The following IKBKB variants were observed in gnomAD, a reference collection of about 807,000 sequenced individuals.
IKBKB encodes inhibitor of nuclear factor kappa-B kinase subunit beta.
IKBKB carries 42 observed loss-of-function variants against 113.6 expected under a neutral mutation model. The ratio of observed to expected loss-of-function variants is 0.37; its 90% CI spans 0.29 to 0.48. The LOEUF is 0.48. Among genes scored for constraint, IKBKB ranks in the 20% least tolerant of loss-of-function variants. The probability of loss-of-function intolerance (pLI) is 0.99; values close to 1 mark genes in which losing one functional copy is unlikely to be tolerated. For missense variants in IKBKB, 673 were observed against 939.7 expected (o/e 0.72, Z 3.71); for synonymous variants, 296 against 361.3 (o/e 0.82, Z 2.05).
At chr8:42,321,816 A>C in intron 16 of IKBKB, 80 bp from the exon 17 acceptor site, 1 of 1,018,542 alleles carries the variant, frequency 9.8e-7, no homozygotes, top group South Asian at 1.6e-5. Context: ...AACATGGTGA[A>C]ACTCTACCTC....
Position 42,331,036 on chromosome 8 carries a change from G to T in IKBKB, c.*57G>T. ...AGCCCATAGCAGGCCTTGTGCAGTGGGGGGACTCGACCCCCTGACATGGGG... is the reference window on the plus strand; with the variant it reads ...AGCCCATAGCAGGCCTTGTGCAGTGTGGGGACTCGACCCCCTGACATGGGG... On this transcript the variant is annotated 3_prime_UTR_variant, in exon 22 of 22. Transcript: ENST00000520810. 1 of 1,596,284 alleles carries T rather than the reference G, an allele frequency of 6.3e-7. No homozygotes were observed.
At chr8:42,295,387 G>A (rs1436019633) in intron 5 of IKBKB, among the ~76,000 whole-genome samples, 2 of 150,888 alleles carry the variant, frequency 1.3e-5, no homozygotes, top group Admixed American at 6.5e-5. Context: ...CCAAAGTGCC[G>A]AGATTACAGG....
intron 4 of IKBKB, among the ~76,000 whole-genome samples, chr8:42,292,639 G>A (rs1445874877): frequency 2.0e-5 from 3 of 152,204 alleles, no homozygotes; most frequent in East Asian, 1.9e-4. Context: ...TGAATATGAC[G>A]TGAATTCCAA....
chr8:42,322,281 C>G (rs756037928), intron 18 of IKBKB, 66 bp from the exon 19 acceptor site: 8 of 1,601,962 alleles, frequency 5.0e-6, no homozygotes, highest in Non-Finnish European at 6.8e-6. Context: ...ACTGGATGCA[C>G]AGCTGCCACA....
At chr8:42,327,516 G>A (rs1426811109) in intron 20 of IKBKB, among the ~76,000 whole-genome samples, 2 of 151,490 alleles carry the variant, frequency 1.3e-5, no homozygotes, top group Non-Finnish European at 2.9e-5. Context: ...TGTAGTTTTA[G>A]TAGAGATGGG....
At chr8:42,322,657 G>A (rs1819985245) in intron 19 of IKBKB, among the ~76,000 whole-genome samples, 163 bp downstream of exon 19, 1 of 152,186 alleles carries the variant, frequency 6.6e-6, no homozygotes, top group Non-Finnish European at 1.5e-5. Context: ...GGTGTAAGCG[G>A]GGAGGTCAGA....
Position 42,331,227 on chromosome 8 carries a change from C to T in IKBKB, c.*248C>T, listed in dbSNP as rs1381874842. ...CCCAGGACGCAGCCCTCCGTGGGCA[C>T]TGCCGGCGCCTTGTCTGCACACTGG... On this transcript the variant is annotated 3_prime_UTR_variant, in exon 22 of 22. Coordinates refer to ENST00000520810, the MANE Select transcript of IKBKB (RefSeq NM_001556.3). 2 of 715,434 alleles carry T rather than the reference C, an allele frequency of 2.8e-6. No homozygotes were observed. Among genetic ancestry groups the T allele is most frequent in the East Asian group, 5.4e-5 (2 of 37,340 alleles). The allele number at this position is 715,434 out of a possible 1,614,324, so 44.3% of individuals were successfully genotyped here.
chr8:42,322,202 G>A (rs192308278), intron 18 of IKBKB, 49 bp downstream of exon 18: 1 of 1,565,842 alleles, frequency 6.4e-7, no homozygotes, highest in East Asian at 2.2e-5. Flanking sequence ...GGAGATGCAG[G>A]TATGAGGTCA....
At chr8:42,308,557 C>CA in intron 7 of IKBKB, among the ~76,000 whole-genome samples, 1 of 152,132 alleles carries the variant, frequency 6.6e-6, no homozygotes, top group East Asian at 1.9e-4. Context: ...CTCGGCCTCC[C>CA]AAAGTGCTGG....
At chr8:42,298,553 T>C (rs1198973964) in intron 5 of IKBKB, 32 of 868,676 alleles carry the variant, frequency 3.7e-5, no homozygotes, top group Non-Finnish European at 4.4e-5. Flanking sequence ...CTGACTGAAG[T>C]GTGGATTATA....
At chr8:42,318,708 T>G in intron 13 of IKBKB, 33 bp downstream of exon 13, 1 of 1,563,494 alleles carries the variant, frequency 6.4e-7, no homozygotes, top group Non-Finnish European at 8.7e-7. Flanking sequence ...TAAACTTAAT[T>G]TATTTAAAAT....
intron 5 of IKBKB, among the ~76,000 whole-genome samples, chr8:42,295,211 T>G (rs1483426844): frequency 6.8e-6 from 1 of 146,892 alleles, no homozygotes; most frequent in African/African-American, 2.5e-5. Context: ...CTCTGCCTCC[T>G]GGGTCCAAGC....
chr8:42,297,510 C>T (rs1170423429), intron 5 of IKBKB, among the ~76,000 whole-genome samples: 5 of 152,172 alleles, frequency 3.3e-5, no homozygotes, highest in East Asian at 1.9e-4. Context: ...CAGAGACACC[C>T]GCTCAGAACA....
At position 42,271,436 on chromosome 8, in the gene IKBKB, G is replaced by GA; in HGVS notation, c.-51dup. ...CCAGCCCCGCCTTCCCCGCCCCGGG[G>GA]AGCCCGCCCCCTGCCCCGCGTCCCT... On this transcript the variant is annotated 5_prime_UTR_variant, in exon 1 of 22. It removes the in-frame stop codon of an upstream open reading frame in the 5' UTR. Transcript: ENST00000520810. The GA allele has an allele frequency of 2.7e-6, 4 of 1,474,232 alleles. No homozygotes were observed. Among genetic ancestry groups the GA allele is most frequent in the Non-Finnish European group, 2.7e-6 (3 of 1,094,720 alleles). 91.3% of individuals were successfully genotyped at this position (1,474,232 alleles called of 1,614,324 possible).
At chr8:42,308,678 C>T (rs373459738) in intron 7 of IKBKB, among the ~76,000 whole-genome samples, 14 of 152,206 alleles carry the variant, frequency 9.2e-5, no homozygotes, top group African/African-American at 2.9e-4. Flanking sequence ...TCTTTAGCCC[C>T]TCCATCAGTA....
intron 4 of IKBKB, among the ~76,000 whole-genome samples, chr8:42,290,908 A>C (rs372216351): frequency 2.0e-5 from 3 of 152,330 alleles, no homozygotes; most frequent in African/African-American, 7.2e-5. Flanking sequence ...TCTCAGGGGC[A>C]GTTGGGTGCC....
At chr8:42,279,294 GAA>G (rs1809845515) in intron 2 of IKBKB, among the ~76,000 whole-genome samples, 2 of 152,242 alleles carry the variant, frequency 1.3e-5, no homozygotes, top group Non-Finnish European at 2.9e-5. Flanking sequence ...CCTCTTAAAA[GAA>G]GCAGCTGGGC....
At chr8:42,317,540 C>A in intron 11 of IKBKB, 117 bp from the exon 12 acceptor site, 1 of 707,332 alleles carries the variant, frequency 1.4e-6, no homozygotes, top group Non-Finnish European at 2.5e-6. Context: ...TTCCTACTTG[C>A]TGGCTGAAGA....
chr8:42,325,375 C>T, intron 19 of IKBKB: 35 of 986,086 alleles, frequency 3.5e-5, no homozygotes, highest in Non-Finnish European at 4.2e-5. Flanking sequence ...AGAATACTTT[C>T]CTGTTCTTTT....
Sources: gnomAD v4.1 joint callset for allele counts (sites outside exome capture counted in the v4.1 genomes callset) on GRCh38, gnomAD v4.1.1 for gene constraint, MANE v1.5 for transcripts, NCBI Gene and HGNC (gene_info 2026-07-23, HGNC 2026-07-21) for gene names.